Variants in RGS18 observed in about 807,000 individuals in gnomAD.
RGS18 encodes the protein regulator of G protein signaling 18.
A neutral mutation model predicts 27.6 loss-of-function variants in RGS18; 22 were observed. The observed-to-expected ratio is 0.80, with a 90% CI of 0.57 to 1.14. RGS18 has a LOEUF of 1.14. Among genes scored for constraint, RGS18 ranks in the 50% most tolerant of loss-of-function variants. RGS18 has a pLI of 0.00. For synonymous variants in RGS18, 89 were observed against 84.6 expected, an observed-to-expected ratio of 1.05 and a Z score of -0.29; for missense variants, 299 against 269.6, an observed-to-expected ratio of 1.11 and a Z score of -0.76.
chr1:192,178,592 A>C (rs1190137050), intron 3 of RGS18, among the ~76,000 whole-genome samples: 1 of 151,588 alleles, frequency 6.6e-6, no homozygotes, highest in Admixed American at 6.6e-5. Flanking sequence ...TGGATGGAAA[A>C]AAAATGTTCA....
intron 3 of RGS18, among the ~76,000 whole-genome samples, chr1:192,175,363 A>G (rs1656341650): frequency 6.6e-6 from 1 of 151,770 alleles, no homozygotes. Context: ...AAGACATAGG[A>G]GTCTAAATTA....
At chr1:192,181,536 TA>T (rs1656456284) in intron 4 of RGS18, 78 bp downstream of exon 4, 1 of 979,312 alleles carries the variant, frequency 1.0e-6, no homozygotes, top group Non-Finnish European at 1.4e-6. Flanking sequence ...TTGTGAATTA[TA>T]TTTTTCCAAC....
chr1:192,164,528 T>C (rs1319042389), intron 3 of RGS18, among the ~76,000 whole-genome samples: 1 of 152,086 alleles, frequency 6.6e-6, no homozygotes, highest in African/African-American at 2.4e-5. Flanking sequence ...TGAGTAAATA[T>C]AAACTTCAGT....
chr1:192,161,038 G>C (rs1368795069), intron 3 of RGS18, among the ~76,000 whole-genome samples: 1 of 152,092 alleles, frequency 6.6e-6, no homozygotes, highest in Non-Finnish European at 1.5e-5. Context: ...TTTTAGTAGA[G>C]ACAGGGTTTC....
Position 192,158,679 on chromosome 1 carries a change from T to C in RGS18, c.42T>C (p.Cys14=). ...TTTTCTTTTCTCAAATAAATATGTG[T>C]GAATCAAAAGAAAAAACTTTTTTCA... The part of the protein sequence containing the change: ...TLLFFSQINM[C]ESKEKTFFKL... The change falls in exon 1 of 5, where the codon TGT becomes TGC. Residue 14 remains cysteine, a synonymous_variant. Coordinates refer to ENST00000367460, the MANE Select transcript of RGS18 (RefSeq NM_130782.3). 1 of 1,582,550 alleles carries C rather than the reference T, an allele frequency of 6.3e-7. No homozygotes were observed. Among genetic ancestry groups the C allele is most frequent in the Non-Finnish European group, 8.5e-7 (1 of 1,169,910 alleles).
rs12085113 is a variant in RGS18 at position 192,159,378 on chromosome 1, T to C, written c.221+57T>C. The C allele has an allele frequency of 2.5e-4, 295 of 1,162,152 alleles. No individual in the cohort carries two copies. In the African/African-American group the frequency reaches 3.8e-3, roughly 15 times the overall value. The allele number at this position is 1,162,152 out of a possible 1,614,324, so 72.0% of individuals were successfully genotyped here. ...TTTGCTGATTCTATCATTAAAGATT[T>C]AAGAAAAATGCAGTTAGGGATTTCT... On this transcript the variant is annotated intron_variant, in intron 2 of 4. Transcript: ENST00000367460.
chr1:192,172,882 TAA>T (rs1553229383), intron 3 of RGS18, among the ~76,000 whole-genome samples: 6 of 104,858 alleles, frequency 5.7e-5, no homozygotes, highest in East Asian at 2.4e-4. Context: ...TATATATATA[TAA>T]ATATATATAT....
chr1:192,181,590 C>T (rs1571394793), intron 4 of RGS18, 132 bp downstream of exon 4: 1 of 585,610 alleles, frequency 1.7e-6, no homozygotes, highest in Admixed American at 4.0e-5. Context: ...GTAATAATTA[C>T]ACATGTTAAT....
intron 3 of RGS18, among the ~76,000 whole-genome samples, chr1:192,180,649 A>C (rs926508132): frequency 2.0e-5 from 3 of 151,702 alleles, no homozygotes; most frequent in Non-Finnish European, 4.4e-5. Flanking sequence ...TCAGACACTT[A>C]ACGTTTCCAC....
intron 3 of RGS18, among the ~76,000 whole-genome samples, chr1:192,171,198 T>C (rs1402991464): frequency 2.0e-5 from 3 of 152,020 alleles, no homozygotes; most frequent in Admixed American, 1.3e-4. Flanking sequence ...CCTTTTACAG[T>C]CTGAGAAAAG....
intron 3 of RGS18, among the ~76,000 whole-genome samples, chr1:192,166,867 G>A (rs910012028): frequency 2.6e-5 from 4 of 152,094 alleles, no homozygotes; most frequent in Non-Finnish European, 5.9e-5. Flanking sequence ...AATATGGAAG[G>A]CTGACTTATA....
chr1:192,179,027 A>G (rs754923481), intron 3 of RGS18, among the ~76,000 whole-genome samples: 6 of 151,530 alleles, frequency 4.0e-5, no homozygotes, highest in Non-Finnish European at 5.9e-5. Flanking sequence ...AAAGCAAAGG[A>G]CAGAATTTTA....
intron 3 of RGS18, among the ~76,000 whole-genome samples, chr1:192,165,516 G>A (rs953722492): frequency 1.3e-5 from 2 of 152,058 alleles, no homozygotes; most frequent in Non-Finnish European, 2.9e-5. Flanking sequence ...GTGGCTCAGG[G>A]GGCATCACGG....
At chr1:192,183,996 CTT>C (rs1656498909) in intron 4 of RGS18, among the ~76,000 whole-genome samples, 1 of 151,526 alleles carries the variant, frequency 6.6e-6, no homozygotes, top group Non-Finnish European at 1.5e-5. Flanking sequence ...GTGTCACACA[CTT>C]TTAAACAGCC....
intron 3 of RGS18, among the ~76,000 whole-genome samples, chr1:192,167,596 T>A (rs1656184646): frequency 6.6e-6 from 1 of 152,034 alleles, no homozygotes; most frequent in African/African-American, 2.4e-5. Flanking sequence ...ATTTTTTGTA[T>A]CTTTAGTAGA....
At chr1:192,163,529 C>G (rs902451991) in intron 3 of RGS18, 8 of 152,086 alleles carry the variant, frequency 5.3e-5, no homozygotes, top group Non-Finnish European at 7.4e-5. Context: ...GCTACTCTCT[C>G]TTTTCTCTAC....
At chr1:192,165,583 T>C (rs1402313754) in intron 3 of RGS18, among the ~76,000 whole-genome samples, 2 of 152,198 alleles carry the variant, frequency 1.3e-5, no homozygotes, top group African/African-American at 4.8e-5. Context: ...CTCTCTTTTG[T>C]GCTCTTTCCC....
In RGS18 at chr1:192,158,745, A is replaced by G; in HGVS notation, c.108A>G (p.Glu36=). The part of the protein sequence containing the change: ...HGSGKEETSK[E]AKIRAKEKRN... ...CAGGAAAAGAAGAAACAAGCAAAGAAGCCAAAATCAGGTAAAATTGTACAA... is the reference window on the plus strand; with the variant it reads ...CAGGAAAAGAAGAAACAAGCAAAGAGGCCAAAATCAGGTAAAATTGTACAA... The change falls in exon 1 of 5, where the codon GAA becomes GAG. Residue 36 remains glutamate, a synonymous_variant. Transcript: ENST00000367460. 6.4e-7 allele frequency: 1 copy of G among 1,560,846 alleles called. No homozygotes were observed. Among genetic ancestry groups the G allele is most frequent in the Non-Finnish European group, 8.7e-7 (1 of 1,154,970 alleles).
intron 3 of RGS18, among the ~76,000 whole-genome samples, chr1:192,177,234 A>G (rs1164934848): frequency 1.3e-5 from 2 of 151,594 alleles, no homozygotes; most frequent in Non-Finnish European, 3.0e-5. Context: ...ATTTTTGTCC[A>G]TATTCACAAT....
Sources: gnomAD v4.1 joint callset for allele counts (sites outside exome capture counted in the v4.1 genomes callset) on GRCh38, gnomAD v4.1.1 for gene constraint, MANE v1.5 for transcripts, NCBI Gene and HGNC (gene_info 2026-07-23, HGNC 2026-07-21) for gene names.